Variants in PDIA5 observed in about 807,000 individuals in gnomAD.
The protein encoded by PDIA5 is protein disulfide-isomerase A5.
In PDIA5, 58 loss-of-function variants were observed where a neutral mutation model predicts 77.6. That is an observed-to-expected ratio of 0.75 (90% confidence interval 0.61 to 0.93). The LOEUF is 0.93. Among genes scored for constraint, PDIA5 ranks in the 40% least tolerant of loss-of-function variants. The pLI is 0.00. For synonymous variants in PDIA5, 250 were observed against 252.1 expected (o/e 0.99, Z 0.08); for missense variants, 630 against 647.7 (o/e 0.97, Z 0.30).
At chr3:123,130,428 C>T (rs1560539789) in intron 10 of PDIA5, 52 bp from the exon 11 acceptor site, 3 of 1,556,794 alleles carry the variant, frequency 1.9e-6, no homozygotes, top group East Asian at 2.3e-5. Flanking sequence ...ATTAGAAGGG[C>T]TGCCAAGGCC....
At chr3:123,086,526 T>A (rs1467333898) in intron 1 of PDIA5, among the ~76,000 whole-genome samples, 8 of 152,312 alleles carry the variant, frequency 5.3e-5, no homozygotes, top group African/African-American at 1.2e-4. Flanking sequence ...TTTAAAAAAA[T>A]TTTTTCTGGC....
intron 13 of PDIA5, 96 bp from the exon 14 acceptor site, chr3:123,150,138 G>C (rs935720616): frequency 4.9e-6 from 4 of 819,136 alleles, no homozygotes; most frequent in Non-Finnish European, 8.0e-6. Context: ...CTTCATGCAT[G>C]TTCCCCCGAG....
At chr3:123,138,208 A>C (rs1560547045) in intron 11 of PDIA5, among the ~76,000 whole-genome samples, 1 of 152,136 alleles carries the variant, frequency 6.6e-6, no homozygotes, top group East Asian at 1.9e-4. Context: ...GACCTCCCAA[A>C]GTTCTAGGAT....
At chr3:123,076,153 G>A (rs921079248) in intron 1 of PDIA5, among the ~76,000 whole-genome samples, 1 of 152,176 alleles carries the variant, frequency 6.6e-6, no homozygotes, top group African/African-American at 2.4e-5. Context: ...TATTATTCTG[G>A]GTGGAGCAAC....
Position 123,109,499 on chromosome 3 carries a change from T to A in PDIA5, c.481-1445T>A, listed in dbSNP as rs150904969. Among the ~76,000 whole-genome samples the A allele has an allele frequency of 6.3e-3, 957 of 152,264 alleles. 6 individuals are homozygous for A. Among genetic ancestry groups the A allele is most frequent in the African/African-American group, 0.022 (916 of 41,572 alleles). On this transcript the variant is annotated intron_variant, in intron 6 of 16. Transcript: ENST00000316218. ...TTACTAATTTTGTTTGGAAATTATT[T>A]CAAACAAAATTTGTTTGAAAATTAG...
At chr3:123,128,670 A>G (rs1383477778) in intron 10 of PDIA5, among the ~76,000 whole-genome samples, 2 of 151,860 alleles carry the variant, frequency 1.3e-5, no homozygotes, top group Non-Finnish European at 2.9e-5. Flanking sequence ...ACCATGCCCG[A>G]CTAATTTTTT....
chr3:123,107,000 C>G (rs576167266), intron 6 of PDIA5, among the ~76,000 whole-genome samples, 159 bp downstream of exon 6: 1 of 152,178 alleles, frequency 6.6e-6, no homozygotes, highest in African/African-American at 2.4e-5. Flanking sequence ...TATTTGACTC[C>G]CCTTCCCAGC....
intron 8 of PDIA5, among the ~76,000 whole-genome samples, chr3:123,118,097 G>A (rs11718578): frequency 0.071 from 10,812 of 152,302 alleles, 759 homozygotes; most frequent in Admixed American, 0.23. Context: ...CCTGGGCATG[G>A]AGACGGCCCT....
intron 1 of PDIA5, among the ~76,000 whole-genome samples, chr3:123,071,513 G>C (rs1933722318): frequency 6.6e-6 from 1 of 152,196 alleles, no homozygotes; most frequent in Non-Finnish European, 1.5e-5. Flanking sequence ...TTGTGGGTTG[G>C]CCTGAGGACT....
intron 8 of PDIA5, among the ~76,000 whole-genome samples, chr3:123,117,065 G>T (rs1004295436): frequency 2.0e-5 from 3 of 151,826 alleles, no homozygotes; most frequent in African/African-American, 7.3e-5. Context: ...CAGAAGGGCC[G>T]AGGGTCAGTC....
intron 8 of PDIA5, among the ~76,000 whole-genome samples, chr3:123,122,835 G>T (rs1935150903): frequency 6.6e-6 from 1 of 152,192 alleles, no homozygotes; most frequent in Non-Finnish European, 1.5e-5. Context: ...ATTCAGTAAA[G>T]TTCAGCTTCC....
rs143253909 is a variant in PDIA5, at chr3:123,104,011, T to C, written c.387+1215T>C. Among the ~76,000 whole-genome samples, 934 of 152,246 alleles carry C rather than the reference T, an allele frequency of 6.1e-3. 7 individuals are homozygous for C. Among genetic ancestry groups the C allele is most frequent in the Non-Finnish European group, 9.6e-3 (655 of 68,018 alleles). Reference sequence around the variant, plus strand: ...TGTCTTGGGCTTATGGAGCAGGGAGTTCTGAGCGGCTCCTCATAATTGTGG... The same window carrying C: ...TGTCTTGGGCTTATGGAGCAGGGAGCTCTGAGCGGCTCCTCATAATTGTGG... On this transcript the variant is annotated intron_variant, in intron 5 of 16. Transcript: ENST00000316218.
In PDIA5 at chr3:123,147,789, T is replaced by A. The variant is rs937171840; in HGVS notation, c.1142+1530T>A. 2.0e-5 allele frequency among the ~76,000 whole-genome samples: 3 copies of A among 152,324 alleles called. No homozygotes were observed. The South Asian group carries it at 6.2e-4, about 32-fold the overall frequency. ...CCTTCTGGTGTCTGAAGTAAGTGGC[T>A]TGTTCACACCCACTTTTCCAGCCTT... On this transcript the variant is annotated intron_variant, in intron 13 of 16. Transcript: ENST00000316218.
intron 15 of PDIA5, 123 bp from the exon 16 acceptor site, chr3:123,161,198 C>A (rs1218199259): frequency 1.1e-5 from 11 of 1,017,808 alleles, no homozygotes; most frequent in African/African-American, 3.2e-5. Flanking sequence ...CAGTTCCTAC[C>A]TGCCACTGAG....
intron 1 of PDIA5, among the ~76,000 whole-genome samples, chr3:123,076,352 C>T (rs1933858043): frequency 1.3e-5 from 2 of 152,168 alleles, no homozygotes; most frequent in Admixed American, 1.3e-4. Context: ...TGCCTATAAA[C>T]ACTCATTGTT....
chr3:123,154,712 C>T (rs528361170), intron 14 of PDIA5, among the ~76,000 whole-genome samples: 1 of 152,286 alleles, frequency 6.6e-6, no homozygotes, highest in African/African-American at 2.4e-5. Flanking sequence ...AACTAGACTA[C>T]AGTGACCATC....
Position 123,106,861 on chromosome 3 carries a change from T to A in PDIA5, c.480+20T>A. The A allele has an allele frequency of 6.5e-7, 1 of 1,529,506 alleles. No individual in the cohort carries two copies. The highest frequency in any genetic ancestry group is 9.0e-7 in the Non-Finnish European group (1 of 1,108,526). The allele number at this position is 1,529,506 out of a possible 1,614,324, so 94.7% of individuals were successfully genotyped here. A position where few individuals can be genotyped will look rare whatever the true frequency, so the allele number is the denominator to read the frequency against. ...GAAAAGGTAATGTATTCCCCGTCAG[T>A]TCTGATGGATGCTGGAAGCTTCCCT... On this transcript the variant is annotated intron_variant, in intron 6 of 16. Transcript: ENST00000316218.
At chr3:123,130,748 G>A in intron 11 of PDIA5, 132 bp downstream of exon 11, 1 of 1,021,876 alleles carries the variant, frequency 9.8e-7, no homozygotes, top group African/African-American at 1.6e-5. Context: ...GCCAGGGGAT[G>A]CAGTGGTGAC....
intron 3 of PDIA5, among the ~76,000 whole-genome samples, chr3:123,097,237 C>A (rs778116935): frequency 6.6e-6 from 1 of 152,200 alleles, no homozygotes; most frequent in Non-Finnish European, 1.5e-5. Context: ...GAAGAACTGT[C>A]GTGTTTATCT....
Sources: gnomAD v4.1 joint callset for allele counts (sites outside exome capture counted in the v4.1 genomes callset) on GRCh38, gnomAD v4.1.1 for gene constraint, MANE v1.5 for transcripts, NCBI Gene and HGNC (gene_info 2026-07-23, HGNC 2026-07-21) for gene names.